The following FOXP1 variants were observed in gnomAD, a reference collection of about 807,000 sequenced individuals.
FOXP1 encodes forkhead box protein P1.
A neutral mutation model predicts 98.2 loss-of-function variants in FOXP1; 15 were observed. The observed-to-expected ratio is 0.15, with a 90% CI of 0.10 to 0.24. The LOEUF is 0.24. Ranked by LOEUF, FOXP1 falls within the 10% of genes least tolerant of loss-of-function variation. The probability of loss-of-function intolerance (pLI) is 1.00; values close to 1 mark genes in which losing one functional copy is unlikely to be tolerated. For synonymous variants in FOXP1, 371 were observed against 314.5 expected (o/e 1.18, Z -1.90); for missense variants, 633 against 848.5 (o/e 0.75, Z 3.15).
intron 7 of FOXP1, among the ~76,000 whole-genome samples, chr3:71,076,690 T>A (rs2053839371): frequency 1.3e-5 from 2 of 152,212 alleles, no homozygotes; most frequent in South Asian, 4.1e-4. Flanking sequence ...GTATTTCCTA[T>A]CTCAAAAATT....
intron 20 of FOXP1, among the ~76,000 whole-genome samples, chr3:70,963,569 C>G (rs181591872): frequency 6.6e-6 from 1 of 152,164 alleles, no homozygotes; most frequent in Non-Finnish European, 1.5e-5. Context: ...CTCCTACTTC[C>G]GAAAGGGCTA....
At chr3:71,134,715 G>A (rs2059734885) in intron 6 of FOXP1, among the ~76,000 whole-genome samples, 1 of 152,140 alleles carries the variant, frequency 6.6e-6, no homozygotes, top group South Asian at 2.1e-4. Flanking sequence ...GCTCTGCCAA[G>A]TTATGCTGTA....
intron 2 of FOXP1, among the ~76,000 whole-genome samples, chr3:71,533,567 C>A (rs997637892): frequency 3.3e-5 from 5 of 152,088 alleles, no homozygotes; most frequent in African/African-American, 1.2e-4. Context: ...ATAAGTTACA[C>A]CCAGATTTTC....
intron 5 of FOXP1, among the ~76,000 whole-genome samples, chr3:71,245,773 A>C (rs79392596): frequency 0.071 from 10,847 of 151,846 alleles, 537 homozygotes; most frequent in South Asian, 0.22. Flanking sequence ...TACATGATAA[A>C]GCTCTTTCCC....
At chr3:71,208,390 C>A (rs1203720793) in intron 5 of FOXP1, among the ~76,000 whole-genome samples, 4 of 152,156 alleles carry the variant, frequency 2.6e-5, no homozygotes, top group Admixed American at 2.6e-4. Flanking sequence ...CTAAGGAAAT[C>A]TCTTAGAAAA....
At chr3:71,283,115 G>C (rs968021813) in intron 5 of FOXP1, among the ~76,000 whole-genome samples, 9 of 152,202 alleles carry the variant, frequency 5.9e-5, no homozygotes, top group Non-Finnish European at 1.2e-4. Flanking sequence ...TGAGTGCAGG[G>C]AAATCCCAGA....
intron 3 of FOXP1, among the ~76,000 whole-genome samples, chr3:71,377,851 T>C (rs1258214006): frequency 6.6e-6 from 1 of 152,202 alleles, no homozygotes; most frequent in Non-Finnish European, 1.5e-5. Flanking sequence ...CACAAATGCT[T>C]CCTTGATACT....
intron 3 of FOXP1, among the ~76,000 whole-genome samples, chr3:71,492,683 C>T (rs1577823486): frequency 6.6e-6 from 1 of 152,102 alleles, no homozygotes; most frequent in Non-Finnish European, 1.5e-5. Flanking sequence ...ATGAAACTGA[C>T]CTCATCCAAT....
In FOXP1 at chr3:70,970,701, C is replaced by T. The variant is rs750493014; in HGVS notation, c.1722+35G>A. On this transcript the variant is annotated intron_variant, in intron 19 of 20. Transcript: ENST00000649528. ...TGAAATGAGTAGGGGAGACCTGTGC[C>T]TCTGCTGCATATTCGGGACGGCCGT... is the stretch of plus-strand genomic sequence containing the variant. 15 of 1,517,664 alleles carry T rather than the reference C, an allele frequency of 9.9e-6. No individual in the cohort carries two copies. In the South Asian group the frequency reaches 1.6e-4, roughly 16 times the overall value. 94.0% of individuals were successfully genotyped at this position (1,517,664 alleles called of 1,614,324 possible). A position where few individuals can be genotyped will look rare whatever the true frequency, so the allele number is the denominator to read the frequency against.
intron 6 of FOXP1, among the ~76,000 whole-genome samples, chr3:71,129,494 G>C (rs1024481615): frequency 6.6e-6 from 1 of 152,136 alleles, no homozygotes; most frequent in Non-Finnish European, 1.5e-5. Flanking sequence ...TTAGACTGCG[G>C]ACTAGCAAAC....
In FOXP1 at chr3:71,359,199, G is replaced by C. The variant is rs2078381900; in HGVS notation, c.-122C>G. 6.6e-6 allele frequency: 1 copy of C among 152,180 alleles called. No individual in the cohort carries two copies. Among genetic ancestry groups the C allele is most frequent in the Non-Finnish European group, 1.5e-5 (1 of 68,050 alleles). The allele number at this position is 152,180 out of a possible 1,614,324, so 9.4% of individuals were successfully genotyped here. On this transcript the variant is annotated 5_prime_UTR_variant, in exon 4 of 21. Coordinates refer to ENST00000649528, the MANE Select transcript of FOXP1 (RefSeq NM_001349338.3). ...GCCATAAAAAGCCTGGGGTCACTGG[G>C]AGGGGGCATGCATAATGCCACAGGA...
At chr3:71,099,720 T>C (rs141697653) in intron 7 of FOXP1, among the ~76,000 whole-genome samples, 2 of 152,266 alleles carry the variant, frequency 1.3e-5, no homozygotes, top group African/African-American at 4.8e-5. Flanking sequence ...ACCGGGACTA[T>C]AACCTGCCAG....
intron 3 of FOXP1, among the ~76,000 whole-genome samples, chr3:71,391,112 T>C (rs1577264340): frequency 6.6e-6 from 1 of 152,346 alleles, no homozygotes; most frequent in South Asian, 2.1e-4. Flanking sequence ...GAATGGAAGA[T>C]CTAAGTATTC....
At chr3:71,052,722 T>C (rs2050080154) in intron 8 of FOXP1, 96 bp from the exon 9 acceptor site, 1 of 780,728 alleles carries the variant, frequency 1.3e-6, no homozygotes, top group Non-Finnish European at 2.3e-6. Context: ...AAAAATAGCA[T>C]CCTTTTATCT....
intron 3 of FOXP1, among the ~76,000 whole-genome samples, chr3:71,372,335 T>C (rs949963975): frequency 1.3e-5 from 2 of 152,178 alleles, no homozygotes; most frequent in African/African-American, 4.8e-5. Context: ...GATCATTCTT[T>C]AAGTCTTAAA....
intron 12 of FOXP1, among the ~76,000 whole-genome samples, chr3:71,006,921 C>T (rs1482477765): frequency 1.3e-5 from 2 of 152,038 alleles, no homozygotes; most frequent in African/African-American, 2.4e-5. Context: ...ATGTTATTTG[C>T]TTCCTTTTGA....
chr3:71,288,199 T>C (rs1262673261), intron 5 of FOXP1: 1 of 152,210 alleles, frequency 6.6e-6, no homozygotes, highest in Non-Finnish European at 1.5e-5. Flanking sequence ...ATTTTTTGTT[T>C]CGTAAGTGCA....
chr3:71,037,496 TAAG>T (rs2047746826), intron 11 of FOXP1, among the ~76,000 whole-genome samples: 1 of 152,144 alleles, frequency 6.6e-6, no homozygotes, highest in South Asian at 2.1e-4. Flanking sequence ...TCTGTTTCCC[TAAG>T]AAGTCGAGAC....
chr3:71,465,531 C>A (rs1185137817), intron 3 of FOXP1, among the ~76,000 whole-genome samples: 1 of 152,142 alleles, frequency 6.6e-6, no homozygotes, highest in Admixed American at 6.5e-5. Context: ...TGAAATCTAA[C>A]CTTGTGCACG....
Sources: allele counts gnomAD v4.1 joint callset (sites outside exome capture counted in the v4.1 genomes callset), GRCh38; gene constraint gnomAD v4.1.1; transcripts MANE v1.5; gene names NCBI Gene and HGNC (gene_info 2026-07-23, HGNC 2026-07-21).